The following CTNNA2 variants were observed in gnomAD, a reference collection of about 807,000 sequenced individuals.
CTNNA2 encodes the protein catenin alpha-2.
A neutral mutation model predicts 101.0 loss-of-function variants in CTNNA2; 42 were observed. The observed-to-expected ratio is 0.42, with a 90% confidence interval of 0.32 to 0.54. The LOEUF (loss-of-function observed/expected upper bound fraction) is 0.54, where lower values mean the gene tolerates loss of function less well. CTNNA2 is among the 20% of genes least tolerant of loss of function. CTNNA2 has a pLI of 0.14. For missense variants in CTNNA2, 871 were observed against 1,223.1 expected (o/e 0.71, Z 4.29); for synonymous variants, 450 against 456.4 (o/e 0.99, Z 0.18).
rs61454985 is a variant in CTNNA2 at position 80,232,345 on chromosome 2, GTTTTTTTTTTTTTTTTTT to G, written c.1057-160840_1057-160823del. Among the ~76,000 whole-genome samples the G allele has an allele frequency of 7.4e-4, 48 of 64,816 alleles. 1 individual carries two copies. The highest frequency in any genetic ancestry group is 3.5e-3 in the African/African-American group (40 of 11,402). 42.5% of individuals were successfully genotyped at this position (64,816 alleles called of 152,430 possible). A position where few individuals can be genotyped will look rare whatever the true frequency, so the allele number is the denominator to read the frequency against. On this transcript the variant is annotated intron_variant, in intron 7 of 18. Coordinates refer to ENST00000402739, the MANE Select transcript of CTNNA2 (RefSeq NM_001282597.3). ...GTTTTGTTTGTTTGTTTGTTTGTTTGTTTTTTTTTTTTTTTTTTTTTTTTTTTTTTTTTTTTTTTTTTT... is the reference window on the plus strand; with the variant it reads ...GTTTTGTTTGTTTGTTTGTTTGTTTGTTTTTTTTTTTTTTTTTTTTTTTTT...
At chr2:80,512,343 G>A (rs1255958661) in intron 9 of CTNNA2, among the ~76,000 whole-genome samples, 3 of 152,222 alleles carry the variant, frequency 2.0e-5, no homozygotes, top group Non-Finnish European at 1.5e-5. Context: ...GGAACCTTAT[G>A]TGCTGGGTAG....
chr2:80,380,739 G>A (rs1422779917), intron 7 of CTNNA2, among the ~76,000 whole-genome samples: 2 of 152,176 alleles, frequency 1.3e-5, no homozygotes, highest in Admixed American at 6.5e-5. Context: ...TTAGATGCCA[G>A]CATAGGAAGG....
At chr2:80,032,592 G>A (rs565453018) in intron 7 of CTNNA2, among the ~76,000 whole-genome samples, 20 of 152,150 alleles carry the variant, frequency 1.3e-4, no homozygotes, top group African/African-American at 4.8e-4. Context: ...TTTCAAGCTT[G>A]GCCCCAAAGT....
intron 7 of CTNNA2, among the ~76,000 whole-genome samples, chr2:80,079,380 G>C (rs1698965796): frequency 6.6e-6 from 1 of 152,144 alleles, no homozygotes; most frequent in South Asian, 2.1e-4. Flanking sequence ...ACATTGGCCT[G>C]GCTGCCCCTG....
chr2:79,412,965 C>T (rs1422199373), intron 4 of CTNNA2, among the ~76,000 whole-genome samples: 1 of 152,038 alleles, frequency 6.6e-6, no homozygotes, highest in East Asian at 1.9e-4. Context: ...TACAATAACA[C>T]TTTGGAATAT....
At chr2:80,572,176 T>C (rs991031710) in intron 12 of CTNNA2, among the ~76,000 whole-genome samples, 4 of 152,206 alleles carry the variant, frequency 2.6e-5, no homozygotes, top group Non-Finnish European at 4.4e-5. Context: ...AATATTATTA[T>C]GCTTTAATTT....
chr2:80,021,093 C>T (rs1432681896), intron 7 of CTNNA2, among the ~76,000 whole-genome samples: 1 of 146,026 alleles, frequency 6.8e-6, no homozygotes, highest in Non-Finnish European at 1.5e-5. Context: ...GATCGTGGCT[C>T]ACTGCAACCT....
chr2:80,449,803 T>C (rs777532593), intron 9 of CTNNA2, among the ~76,000 whole-genome samples: 1 of 152,214 alleles, frequency 6.6e-6, no homozygotes, highest in African/African-American at 2.4e-5. Flanking sequence ...GCTCACACTA[T>C]GTGCTTGGTG....
chr2:79,904,980 G>T (rs545662194), intron 6 of CTNNA2, among the ~76,000 whole-genome samples: 1 of 152,154 alleles, frequency 6.6e-6, no homozygotes, highest in Non-Finnish European at 1.5e-5. Context: ...TTTATAGAGC[G>T]CCACATGAGA....
intron 3 of CTNNA2, among the ~76,000 whole-genome samples, chr2:79,748,307 CTT>C (rs1322773975): frequency 6.6e-6 from 1 of 152,186 alleles, no homozygotes; most frequent in African/African-American, 2.4e-5. Flanking sequence ...TTAATGGAAA[CTT>C]TAAAACACAG....
At chr2:80,053,052 T>A (rs1164660950) in intron 7 of CTNNA2, among the ~76,000 whole-genome samples, 1 of 152,230 alleles carries the variant, frequency 6.6e-6, no homozygotes, top group Non-Finnish European at 1.5e-5. Flanking sequence ...ATTATGCCTA[T>A]CAAAGATTTT....
intron 7 of CTNNA2, among the ~76,000 whole-genome samples, chr2:80,263,214 G>A (rs1297775616): frequency 6.6e-6 from 1 of 152,078 alleles, no homozygotes; most frequent in Non-Finnish European, 1.5e-5. Context: ...GGCAGATTGG[G>A]TATGAGAACA....
intron 8 of CTNNA2, 96 bp downstream of exon 8, chr2:80,393,387 G>A (rs1284733476): frequency 1.5e-5 from 13 of 856,786 alleles, no homozygotes; most frequent in Non-Finnish European, 2.2e-5. Context: ...TGACAATGAG[G>A]TTGTTATTCT....
chr2:79,944,597 G>C (rs1341390859), intron 7 of CTNNA2, among the ~76,000 whole-genome samples: 1 of 152,112 alleles, frequency 6.6e-6, no homozygotes, highest in Non-Finnish European at 1.5e-5. Flanking sequence ...GGAGCGGGGT[G>C]GGGGTAGGGA....
At chr2:79,652,571 C>T in intron 2 of CTNNA2, among the ~76,000 whole-genome samples, 1 of 152,100 alleles carries the variant, frequency 6.6e-6, no homozygotes, top group East Asian at 1.9e-4. Context: ...GTCTTTCCTA[C>T]TTCCTTCCAA....
chr2:80,383,643 C>T (rs191115109), intron 7 of CTNNA2, among the ~76,000 whole-genome samples: 93 of 152,168 alleles, frequency 6.1e-4, no homozygotes, highest in Non-Finnish European at 1.0e-3. Context: ...ATGGCCCCTT[C>T]CAGTCAGGCA....
At chr2:80,508,691 A>C (rs1230515717) in intron 9 of CTNNA2, among the ~76,000 whole-genome samples, 1 of 150,582 alleles carries the variant, frequency 6.6e-6, no homozygotes, top group Non-Finnish European at 1.5e-5. Flanking sequence ...AAAAAAAAAC[A>C]AATTTGAGAT....
intron 4 of CTNNA2, among the ~76,000 whole-genome samples, chr2:79,412,148 AG>A (rs1266152433): frequency 1.3e-5 from 2 of 152,174 alleles, no homozygotes; most frequent in African/African-American, 4.8e-5. Context: ...GAGACAAAGA[AG>A]GCCATTACAG....
intron 2 of CTNNA2, among the ~76,000 whole-genome samples, chr2:79,285,110 C>T (rs539181373): frequency 1.7e-4 from 26 of 150,718 alleles, no homozygotes; most frequent in African/African-American, 6.1e-4. Flanking sequence ...GGTGATATCC[C>T]CTTTATCATT....
Sources: gnomAD v4.1 joint callset for allele counts (sites outside exome capture counted in the v4.1 genomes callset) on GRCh38, gnomAD v4.1.1 for gene constraint, MANE v1.5 for transcripts, NCBI Gene and HGNC (gene_info 2026-07-23, HGNC 2026-07-21) for gene names.